PCSK2: variants seen among roughly 807,000 people sequenced by gnomAD.
The protein encoded by PCSK2 is neuroendocrine convertase 2.
PCSK2 carries 14 observed loss-of-function variants against 69.7 expected under a neutral mutation model. The ratio of observed to expected loss-of-function variants is 0.20; its 90% CI spans 0.13 to 0.31. The LOEUF is 0.31. PCSK2 is among the 10% of genes least tolerant of loss of function. The probability of loss-of-function intolerance (pLI) is 1.00; values close to 1 mark genes in which losing one functional copy is unlikely to be tolerated. For synonymous variants in PCSK2, 307 were observed against 320.7 expected (o/e 0.96, Z 0.46); for missense variants, 544 against 842.5 (o/e 0.65, Z 4.39).
chr20:17,333,549 A>G (rs1990258071), intron 2 of PCSK2, among the ~76,000 whole-genome samples: 1 of 151,928 alleles, frequency 6.6e-6, no homozygotes, highest in African/African-American at 2.4e-5. Context: ...AGGCCTCCCA[A>G]CTTGATAATC....
intron 2 of PCSK2, among the ~76,000 whole-genome samples, chr20:17,310,347 TA>T (rs1989466550): frequency 6.6e-6 from 1 of 152,162 alleles, no homozygotes; most frequent in Non-Finnish European, 1.5e-5. Flanking sequence ...ATCACGAGGT[TA>T]AAAAACATTG....
intron 2 of PCSK2, among the ~76,000 whole-genome samples, chr20:17,321,113 A>G (rs1326721664): frequency 6.6e-6 from 1 of 152,212 alleles, no homozygotes; most frequent in African/African-American, 2.4e-5. Context: ...TGTTTTCAAC[A>G]TTATTCACCC....
rs867385880 is a variant in PCSK2, at chr20:17,433,890, C to T, written c.710-2818C>T. ...TCTCTCTTCCTCCCCTCCTCCTCCCCCCCCCTTCCTACTTCTCTCCCTTTC... is the reference window on the plus strand; with the variant it reads ...TCTCTCTTCCTCCCCTCCTCCTCCCTCCCCCTTCCTACTTCTCTCCCTTTC... On this transcript the variant is annotated intron_variant, in intron 7 of 11. Transcript: ENST00000262545. 5.6e-3 allele frequency among the ~76,000 whole-genome samples: 565 copies of T among 101,100 alleles called. 19 individuals carry two copies. The highest frequency in any genetic ancestry group is 0.019 in the African/African-American group (517 of 26,634). 66.3% of individuals were successfully genotyped at this position (101,100 alleles called of 152,430 possible).
chr20:17,296,193 G>C (rs1988888772), intron 2 of PCSK2, among the ~76,000 whole-genome samples: 1 of 152,200 alleles, frequency 6.6e-6, no homozygotes, highest in African/African-American at 2.4e-5. Context: ...TTGGGCCACA[G>C]ACGTGGCTTG....
At chr20:17,374,867 T>G (rs1270870508) in intron 5 of PCSK2, among the ~76,000 whole-genome samples, 1 of 152,136 alleles carries the variant, frequency 6.6e-6, no homozygotes, top group Non-Finnish European at 1.5e-5. Flanking sequence ...AGACAGAGTC[T>G]TCAGCAGAGT....
At chr20:17,282,750 GA>G (rs950846256) in intron 2 of PCSK2, among the ~76,000 whole-genome samples, 110 of 138,842 alleles carry the variant, frequency 7.9e-4, no homozygotes, top group Middle Eastern at 7.3e-3. Context: ...CACACGCTGT[GA>G]AAAAAAAAAA....
intron 8 of PCSK2, among the ~76,000 whole-genome samples, chr20:17,445,789 C>T (rs2032686738): frequency 1.3e-5 from 2 of 152,202 alleles, no homozygotes; most frequent in Non-Finnish European, 1.5e-5. Context: ...AGATGAAGGT[C>T]GCAACTGAGC....
intron 2 of PCSK2, among the ~76,000 whole-genome samples, chr20:17,322,171 A>T (rs1989888455): frequency 6.6e-6 from 1 of 152,280 alleles, no homozygotes; most frequent in South Asian, 2.1e-4. Context: ...AAGAGAGAAC[A>T]TTGTCTTAAT....
intron 2 of PCSK2, among the ~76,000 whole-genome samples, chr20:17,300,938 A>T (rs1043194022): frequency 6.6e-6 from 1 of 152,210 alleles, no homozygotes; most frequent in Non-Finnish European, 1.5e-5. Flanking sequence ...AATTTCCCTT[A>T]ACCTTAATCA....
At chr20:17,420,083 T>C (rs1568641908) in intron 6 of PCSK2, among the ~76,000 whole-genome samples, 1 of 152,216 alleles carries the variant, frequency 6.6e-6, no homozygotes, top group Non-Finnish European at 1.5e-5. Context: ...ATGTGATTGA[T>C]AGCATTAGTT....
chr20:17,358,449 C>G lies in PCSK2; in HGVS notation c.396+9C>G, dbSNP rs1264842035. On this transcript the variant is annotated intron_variant, in intron 3 of 11. Coordinates refer to ENST00000262545, the MANE Select transcript of PCSK2 (RefSeq NM_002594.5). ...CAAAGCAGTGGTATCTGGTGAGTGT[C>G]TTTATGTCCTTTTGGACATTTCCCA... The G allele has an allele frequency of 2.2e-6, 3 of 1,367,512 alleles. No homozygotes were observed. The highest frequency in any genetic ancestry group is 3.1e-6 in the Non-Finnish European group (3 of 955,140). The allele number at this position is 1,367,512 out of a possible 1,614,324, so 84.7% of individuals were successfully genotyped here. A position where few individuals can be genotyped will look rare whatever the true frequency, so the allele number is the denominator to read the frequency against.
chr20:17,369,880 G>C (rs560232210), intron 5 of PCSK2, among the ~76,000 whole-genome samples: 5 of 152,340 alleles, frequency 3.3e-5, no homozygotes, highest in Admixed American at 6.5e-5. Context: ...GAAAGTAAGA[G>C]CGTTATCTTT....
chr20:17,425,096 TA>T (rs1203254683), intron 6 of PCSK2, among the ~76,000 whole-genome samples: 1 of 152,224 alleles, frequency 6.6e-6, no homozygotes, highest in Non-Finnish European at 1.5e-5. Context: ...TATGTTTTTC[TA>T]AAAATAATCC....
intron 2 of PCSK2, among the ~76,000 whole-genome samples, chr20:17,329,155 C>T (rs938846732): frequency 6.6e-6 from 1 of 152,158 alleles, no homozygotes; most frequent in African/African-American, 2.4e-5. Context: ...AGTAATTTCT[C>T]TTTGTATTTG....
intron 2 of PCSK2, among the ~76,000 whole-genome samples, chr20:17,270,488 T>C (rs186511075): frequency 8.5e-5 from 13 of 152,214 alleles, no homozygotes; most frequent in South Asian, 2.1e-4. Flanking sequence ...AACAACCCAA[T>C]TGCTGGAGTT....
In PCSK2 at chr20:17,435,748, A is replaced by T. The variant is rs2032472178; in HGVS notation, c.710-960A>T. 2.0e-5 allele frequency among the ~76,000 whole-genome samples: 3 copies of T among 152,160 alleles called. No homozygotes were observed. In the South Asian group the frequency reaches 6.2e-4, roughly 32 times the overall value. ...TAAGCTCCATGCCACAGAATTGTGA[A>T]CCCACTGACCCATCCAGATGACAAA... On this transcript the variant is annotated intron_variant, in intron 7 of 11. Transcript: ENST00000262545.
At chr20:17,297,603 C>G (rs991405064) in intron 2 of PCSK2, among the ~76,000 whole-genome samples, 5 of 152,220 alleles carry the variant, frequency 3.3e-5, no homozygotes, top group African/African-American at 1.2e-4. Flanking sequence ...GGAGCTTGCT[C>G]ATTACATGGC....
chr20:17,473,981 T>A (rs2033248349), intron 11 of PCSK2, among the ~76,000 whole-genome samples: 4 of 152,094 alleles, frequency 2.6e-5, no homozygotes, highest in Admixed American at 6.6e-5. Flanking sequence ...GCCAGACTCC[T>A]CAGCCAACGT....
chr20:17,455,170 C>T (rs182415210), intron 9 of PCSK2, among the ~76,000 whole-genome samples: 7 of 152,076 alleles, frequency 4.6e-5, no homozygotes, highest in East Asian at 2.0e-4. Flanking sequence ...GTCCTCGACC[C>T]GTATTTATGA....
Sources: allele counts gnomAD v4.1 joint callset (sites outside exome capture counted in the v4.1 genomes callset), GRCh38; gene constraint gnomAD v4.1.1; transcripts MANE v1.5; gene names NCBI Gene and HGNC (gene_info 2026-07-23, HGNC 2026-07-21).